MAP3K15: variants seen among roughly 807,000 people sequenced by gnomAD.
MAP3K15 encodes MAPK/ERK kinase kinase 15.
MAP3K15 carries 124 observed loss-of-function variants against 99.5 expected under a neutral mutation model. The observed-to-expected ratio is 1.25, with a 90% CI of 1.08 to 1.45. MAP3K15 has a LOEUF of 1.45. MAP3K15 is among the 40% of genes most tolerant of loss of function. The pLI is 0.00. For missense variants in MAP3K15, 1,242 were observed against 1,079.7 expected (o/e 1.15, Z -2.11); for synonymous variants, 494 against 439.6 (o/e 1.12, Z -1.55).
chrX:19,401,827 A>G (rs2063610347), intron 13 of MAP3K15, among the ~76,000 whole-genome samples: 1 of 112,345 alleles, frequency 8.9e-6, no homozygotes, highest in African/African-American at 3.2e-5. Context: ...TTAAGATGTC[A>G]AGGAGGAATA....
At chrX:19,448,174 G>A (rs2064015021) in intron 6 of MAP3K15, among the ~76,000 whole-genome samples, 1 of 108,853 alleles carries the variant, frequency 9.2e-6, no homozygotes, top group African/African-American at 3.3e-5. Flanking sequence ...CTGACTCAAC[G>A]TGGCAACGAG....
At chrX:19,373,479 C>A (rs1325338147) in intron 21 of MAP3K15, 57 bp downstream of exon 21, 7 of 1,142,151 alleles carry the variant, frequency 6.1e-6, no homozygotes, top group Non-Finnish European at 7.0e-6. Flanking sequence ...TGCCCTGTGG[C>A]GGAGGACTAC....
chrX:19,472,890 C>G (rs182951365), intron 3 of MAP3K15, among the ~76,000 whole-genome samples: 14 of 111,840 alleles, frequency 1.3e-4, no homozygotes, highest in Non-Finnish European at 2.4e-4. Flanking sequence ...GAGTTCTGAT[C>G]AAATCCTAAA....
intron 1 of MAP3K15, among the ~76,000 whole-genome samples, chrX:19,490,928 T>C (rs1374940525): frequency 1.8e-5 from 2 of 111,277 alleles, no homozygotes; most frequent in Non-Finnish European, 3.8e-5. Flanking sequence ...AGTTCCAAGT[T>C]TGATGGGAGC....
rs747607452 is a variant in MAP3K15, at chrX:19,362,816, ACTCT to A, written c.3597_3600del (p.Arg1199SerfsTer10). 33 of 1,177,040 alleles carry A rather than the reference ACTCT, an allele frequency of 2.8e-5. No homozygotes were observed. The highest frequency in any genetic ancestry group is 1.9e-4 in the South Asian group (10 of 53,860). ...AGAGTTTGCCGCAGAAGATTCTGGT[ACTCT>A]CTCTCTTTTTCAACTAGGTGTTCCA... On this transcript the variant is annotated frameshift_variant, in exon 26 of 29. Transcript: ENST00000338883. LOFTEE classifies it high-confidence loss of function.
At chrX:19,424,771 C>T (rs1371488574) in intron 9 of MAP3K15, among the ~76,000 whole-genome samples, 2 of 110,077 alleles carry the variant, frequency 1.8e-5, no homozygotes, top group Non-Finnish European at 1.9e-5. Context: ...TCTGCCTTCC[C>T]GAGTAGCTGG....
chrX:19,505,108 T>A (rs1256666044), intron 1 of MAP3K15, among the ~76,000 whole-genome samples: 2 of 110,586 alleles, frequency 1.8e-5, no homozygotes, highest in Non-Finnish European at 3.8e-5. Flanking sequence ...CCAAAACTGA[T>A]GAAACCATGA....
In MAP3K15 at chrX:19,413,360, T is replaced by C; in HGVS notation, c.1695A>G (p.Glu565=). The change falls in exon 11 of 29, where the codon GAA becomes GAG. Residue 565 remains glutamate, a synonymous_variant. Transcript: ENST00000338883. ...GCTTGTGATTTTTCCTCCTTACCAT[T>C]TCTGTGGGTGAGACATGCCATAAAG... ...TVSLWHVSPT[E]MKQMHEWNFT... is the part of the protein sequence containing the mutation. The C allele has an allele frequency of 8.4e-7, 1 of 1,189,752 alleles. No individual in the cohort carries two copies.
chrX:19,473,692 G>C (rs926212008), intron 3 of MAP3K15, among the ~76,000 whole-genome samples: 1 of 111,788 alleles, frequency 8.9e-6, no homozygotes, highest in African/African-American at 3.3e-5. Flanking sequence ...ACAGCGTGGG[G>C]ATAGGAAGCG....
intron 6 of MAP3K15, among the ~76,000 whole-genome samples, chrX:19,449,992 C>T (rs1239702732): frequency 9.2e-6 from 1 of 109,198 alleles, no homozygotes; most frequent in Non-Finnish European, 1.9e-5. Context: ...GAGCAATAGC[C>T]AAGCACCTGC....
rs41305349 is a variant in MAP3K15 at position 19,415,217 on chromosome X, G to A, written c.1480C>T (p.Arg494Cys). The A allele has an allele frequency of 0.01, 12,191 of 1,178,260 alleles. 58 individuals are homozygous for A. Among genetic ancestry groups the A allele is most frequent in the Non-Finnish European group, 0.013 (11,066 of 884,396 alleles). Residue 494 changes from arginine (R) to cysteine (C), a missense_variant, in exon 10 of 29, where the codon CGC (arginine) becomes TGC (cysteine). Transcript: ENST00000338883. The stretch of plus-strand genomic sequence containing the variant: ...TGTTCAATAATGGTTTTCTTGAAGC[G>A]CCGAATTAGTAACAAGTTCTGAACT... ...SLVQNLLLIR[R>C]FKKTIIEHSP...
chrX:19,483,193 G>A (rs1411860814), intron 3 of MAP3K15, among the ~76,000 whole-genome samples: 1 of 106,684 alleles, frequency 9.4e-6, no homozygotes, highest in African/African-American at 3.5e-5. Context: ...GGGAGGCAGA[G>A]GTTGCAGTGA....
chrX:19,398,124 C>A, intron 15 of MAP3K15, 102 bp downstream of exon 15: 5 of 834,798 alleles, frequency 6.0e-6, no homozygotes, highest in Non-Finnish European at 8.4e-6. Flanking sequence ...TTTGTGGTAA[C>A]ACAATGCTTT....
chrX:19,413,512 G>T, intron 10 of MAP3K15, 48 bp from the exon 11 acceptor site: 1 of 980,229 alleles, frequency 1.0e-6, no homozygotes, highest in South Asian at 2.1e-5. Flanking sequence ...AGAAAACATA[G>T]CGCACCCTGC....
At position 19,460,146 on chromosome X, in the gene MAP3K15, A is replaced by G. The variant is rs1008707170; in HGVS notation, c.727T>C (p.Tyr243His). 10 of 1,179,534 alleles carry G rather than the reference A, an allele frequency of 8.5e-6. No individual in the cohort carries two copies. The highest frequency in any genetic ancestry group is 1.1e-5 in the Non-Finnish European group (10 of 884,714). The change falls in exon 5 of 29, where the codon TAC becomes CAC. Residue 243 changes from tyrosine (Y) to histidine (H), a missense_variant. Coordinates refer to ENST00000338883, the MANE Select transcript of MAP3K15 (RefSeq NM_001001671.4). ...KDIHVTSCVY[Y>H]KETLLNDIRK... is the part of the protein sequence containing the mutation. ...ATGTCATTTAACAAGGTTTCTTTGTAATAAACACTATAGAAAGAAAAACAC... is the reference window on the plus strand; with the variant it reads ...ATGTCATTTAACAAGGTTTCTTTGTGATAAACACTATAGAAAGAAAAACAC...
chrX:19,360,946 G>C (rs2063277826), intron 28 of MAP3K15, 113 bp from the exon 29 acceptor site: 1 of 538,739 alleles, frequency 1.9e-6, no homozygotes, highest in East Asian at 3.6e-5. Flanking sequence ...CCTCACATAT[G>C]GAGGTGACGC....
chrX:19,377,296 G>C, intron 19 of MAP3K15, among the ~76,000 whole-genome samples: 1 of 112,453 alleles, frequency 8.9e-6, no homozygotes, highest in Admixed American at 9.4e-5. Context: ...GCTCTCGCCT[G>C]TTATCCCAGC....
chrX:19,436,906 G>A (rs1201008326), intron 6 of MAP3K15, among the ~76,000 whole-genome samples: 5 of 111,403 alleles, frequency 4.5e-5, no homozygotes, highest in Non-Finnish European at 9.4e-5. Context: ...TTGAACTCCT[G>A]GCCTCAAGTG....
intron 11 of MAP3K15, 137 bp from the exon 12 acceptor site, chrX:19,410,110 T>C (rs1431458409): frequency 1.4e-5 from 6 of 435,375 alleles, no homozygotes; most frequent in African/African-American, 5.0e-5. Context: ...GCAATACACC[T>C]TGTATAACAT....
Sources: gnomAD v4.1 joint callset for allele counts (sites outside exome capture counted in the v4.1 genomes callset) on GRCh38, gnomAD v4.1.1 for gene constraint, MANE v1.5 for transcripts, NCBI Gene and HGNC (gene_info 2026-07-23, HGNC 2026-07-21) for gene names.